The following SLA variants were observed in gnomAD, a reference collection of about 807,000 sequenced individuals.
The protein encoded by SLA is src-like-adapter.
Under a neutral mutation model 30.3 loss-of-function variants are expected in SLA, and 16 were observed. That is an observed-to-expected ratio of 0.53 (90% CI 0.36 to 0.80). The LOEUF (loss-of-function observed/expected upper bound fraction) is 0.80. Ranked by LOEUF, SLA falls within the 30% of genes least tolerant of loss-of-function variation. SLA has a pLI of 0.01. For synonymous variants in SLA, 143 were observed against 137.8 expected (o/e 1.04, Z -0.26); for missense variants, 310 against 345.2 (o/e 0.90, Z 0.81).
intron 3 of SLA, among the ~76,000 whole-genome samples, chr8:133,055,363 GCGCACACA>G (rs1398557248): frequency 8.1e-4 from 26 of 32,020 alleles, no homozygotes; most frequent in South Asian, 3.4e-3. Flanking sequence ...ACACGCACGC[GCGCACACA>G]CACACACACA....
intron 2 of SLA, among the ~76,000 whole-genome samples, chr8:133,072,246 C>G (rs578129570): frequency 6.6e-6 from 1 of 152,328 alleles, no homozygotes; most frequent in African/African-American, 2.4e-5. Context: ...CCCCCAACCC[C>G]TAAAATTGCT....
At chr8:133,061,142 C>T (rs1418962154) in intron 2 of SLA, among the ~76,000 whole-genome samples, 1 of 152,190 alleles carries the variant, frequency 6.6e-6, no homozygotes, top group Non-Finnish European at 1.5e-5. Context: ...TTCCAAGTAG[C>T]TGGGATTACA....
chr8:133,048,602 C>T (rs1839892541), intron 5 of SLA: 1 of 156,426 alleles, frequency 6.4e-6, no homozygotes, highest in Non-Finnish European at 1.4e-5. Flanking sequence ...TTATGTCACT[C>T]CTCCTGGTTC....
At chr8:133,080,223 A>G (rs1262956356) in intron 1 of SLA, among the ~76,000 whole-genome samples, 2 of 152,216 alleles carry the variant, frequency 1.3e-5, no homozygotes, top group Non-Finnish European at 2.9e-5. Context: ...CTTGTGTTCA[A>G]GGAGCAGACA....
chr8:133,072,975 G>A (rs1331258712), intron 2 of SLA: 1 of 152,200 alleles, frequency 6.6e-6, no homozygotes, highest in Admixed American at 6.5e-5. Context: ...CCTAGGAAAT[G>A]TAAAAGGGAT....
At chr8:133,076,811 T>TTAATTTCCCTGTAAATTA (rs1338105225) in intron 1 of SLA, 11 of 150,116 alleles carry the variant, frequency 7.3e-5, no homozygotes, top group Admixed American at 7.3e-4. Flanking sequence ...TCCCTGTACT[T>TTAATTTCCCTGTAAATTA]AACTTAATTT....
intron 3 of SLA, among the ~76,000 whole-genome samples, chr8:133,053,673 AC>A (rs1437119668): frequency 1.3e-5 from 2 of 152,224 alleles, no homozygotes; most frequent in Non-Finnish European, 2.9e-5. Context: ...GTGGAACAGA[AC>A]AATTGTCTTT....
intron 2 of SLA, among the ~76,000 whole-genome samples, chr8:133,061,703 T>C (rs1208548763): frequency 6.6e-6 from 1 of 152,180 alleles, no homozygotes; most frequent in African/African-American, 2.4e-5. Context: ...TACCTGTGTC[T>C]GCAGCTCAGG....
chr8:133,043,713 G>A (rs765994665), intron 7 of SLA, among the ~76,000 whole-genome samples: 4 of 152,092 alleles, frequency 2.6e-5, no homozygotes, highest in Non-Finnish European at 1.5e-5. Flanking sequence ...ACTGCTTCTC[G>A]TGGGCCAGCT....
chr8:133,039,928 T>A, intron 8 of SLA, 70 bp downstream of exon 8: 1 of 1,517,524 alleles, frequency 6.6e-7, no homozygotes, highest in Non-Finnish European at 8.9e-7. Flanking sequence ...CGTTTTGTGC[T>A]CACATGTTCA....
intron 2 of SLA, among the ~76,000 whole-genome samples, chr8:133,065,635 G>A (rs1842931422): frequency 6.6e-6 from 1 of 152,030 alleles, no homozygotes; most frequent in South Asian, 2.1e-4. Flanking sequence ...GTTGGCACAT[G>A]CCTGTAATCC....
intron 2 of SLA, chr8:133,060,417 A>C: frequency 2.7e-6 from 4 of 1,489,782 alleles, no homozygotes; most frequent in Non-Finnish European, 3.6e-6. Flanking sequence ...ACAGAGAGGG[A>C]AGTTGCTAGC....
chr8:133,075,245 A>T lies in SLA; in HGVS notation c.-318-115T>A. Reference sequence around the variant, plus strand: ...GTCTTCTTTCTCTAATTAAAAGGCAAATCAATGGGGCTGTGAATTTGCTCT... The same window carrying T: ...GTCTTCTTTCTCTAATTAAAAGGCATATCAATGGGGCTGTGAATTTGCTCT... On this transcript the variant is annotated intron_variant, in intron 1 of 8. Coordinates refer to ENST00000338087, the MANE Select transcript of SLA (RefSeq NM_001045556.3). 6.4e-6 allele frequency: 3 copies of T among 471,512 alleles called. No individual in the cohort carries two copies. The South Asian group carries it at 2.7e-4, about 42-fold the overall frequency. The allele number at this position is 471,512 out of a possible 1,614,324, so 29.2% of individuals were successfully genotyped here.
At chr8:133,051,308 A>G (rs1245733803) in intron 3 of SLA, among the ~76,000 whole-genome samples, 1 of 152,160 alleles carries the variant, frequency 6.6e-6, no homozygotes, top group Non-Finnish European at 1.5e-5. Flanking sequence ...AGATGAGAGT[A>G]TGTTACACCA....
Position 133,038,422 on chromosome 8 carries a change from G to C in SLA, c.*102C>G. 2 of 874,930 alleles carry C rather than the reference G, an allele frequency of 2.3e-6. No individual in the cohort carries two copies. Among genetic ancestry groups the C allele is most frequent in the Non-Finnish European group, 3.8e-6 (2 of 531,422 alleles). 54.2% of individuals were successfully genotyped at this position (874,930 alleles called of 1,614,324 possible). On this transcript the variant is annotated 3_prime_UTR_variant, in exon 9 of 9. Coordinates refer to ENST00000338087, the MANE Select transcript of SLA (RefSeq NM_001045556.3). The stretch of plus-strand genomic sequence containing the variant: ...TGGCTTCTCTTGGCTTCTAAAATAC[G>C]TGAGGCTCCCAGGGATCAGGGAACC...
At chr8:133,048,269 A>G (rs1023515140) in intron 5 of SLA, among the ~76,000 whole-genome samples, 4 of 152,072 alleles carry the variant, frequency 2.6e-5, no homozygotes, top group Admixed American at 2.0e-4. Flanking sequence ...CACCCAGACT[A>G]GAGAACAGTG....
At chr8:133,071,843 C>T (rs1370288959) in intron 2 of SLA, among the ~76,000 whole-genome samples, 1 of 152,130 alleles carries the variant, frequency 6.6e-6, no homozygotes, top group East Asian at 1.9e-4. Flanking sequence ...CTTACTGCTC[C>T]CAGGGCAACT....
At chr8:133,068,018 G>C (rs1843364405) in intron 2 of SLA, among the ~76,000 whole-genome samples, 1 of 152,164 alleles carries the variant, frequency 6.6e-6, no homozygotes. Context: ...GGGAGTAGCT[G>C]CCTGGGGCTG....
chr8:133,076,096 C>T (rs1462541887), intron 1 of SLA: 1 of 152,186 alleles, frequency 6.6e-6, no homozygotes, highest in African/African-American at 2.4e-5. Context: ...AATGCTGACC[C>T]CAAGATTGCC....
Sources: allele counts gnomAD v4.1 joint callset (sites outside exome capture counted in the v4.1 genomes callset), GRCh38; gene constraint gnomAD v4.1.1; transcripts MANE v1.5; gene names NCBI Gene and HGNC (gene_info 2026-07-23, HGNC 2026-07-21).